The following DDX10 variants were observed in gnomAD, a reference collection of about 807,000 sequenced individuals.
The protein encoded by DDX10 is DEAD-box helicase 10, also known as probable ATP-dependent RNA helicase DDX10.
A neutral mutation model predicts 104.3 loss-of-function variants in DDX10; 74 were observed. The observed-to-expected ratio is 0.71, with a 90% CI of 0.59 to 0.86. The LOEUF (loss-of-function observed/expected upper bound fraction) is 0.86, where lower values mean the gene tolerates loss of function less well. Ranked by LOEUF, DDX10 falls within the 40% of genes least tolerant of loss-of-function variation. DDX10 has a pLI of 0.00. For synonymous variants in DDX10, 351 were observed against 353.4 expected (o/e 0.99, Z 0.08); for missense variants, 952 against 1,040.0 (o/e 0.92, Z 1.16).
intron 6 of DDX10, among the ~76,000 whole-genome samples, chr11:108,687,509 C>A (rs1386089514): frequency 6.6e-6 from 1 of 152,102 alleles, no homozygotes; most frequent in African/African-American, 2.4e-5. Flanking sequence ...TGGGGTTTCA[C>A]CATGTTGCCC....
At chr11:108,767,056 A>T (rs2094357272) in intron 13 of DDX10, among the ~76,000 whole-genome samples, 1 of 152,168 alleles carries the variant, frequency 6.6e-6, no homozygotes, top group Non-Finnish European at 1.5e-5. Flanking sequence ...TTCAGCTCTT[A>T]TATTGGAGAG....
In DDX10 at chr11:108,804,514, A is replaced by AC. The variant is rs1480699694; in HGVS notation, c.1966-33932_1966-33931insC. 9.9e-5 allele frequency among the ~76,000 whole-genome samples: 15 copies of AC among 151,620 alleles called. No individual in the cohort carries two copies. In the East Asian group the frequency reaches 2.5e-3, roughly 25 times the overall value. ...ACCCTGTCTCAAAAAAAAAAAAAAA[A>AC]AAAACCCTCCAAAAGAAGTTGCCAC... On this transcript the variant is annotated intron_variant, in intron 13 of 17. Coordinates refer to ENST00000322536, the MANE Select transcript of DDX10 (RefSeq NM_004398.4).
intron 13 of DDX10, among the ~76,000 whole-genome samples, chr11:108,815,094 T>G (rs996741488): frequency 6.6e-6 from 1 of 152,218 alleles, no homozygotes; most frequent in African/African-American, 2.4e-5. Context: ...TTTACTCTTC[T>G]GCTGAAAATT....
intron 16 of DDX10, among the ~76,000 whole-genome samples, chr11:108,863,190 T>G (rs1862962802): frequency 6.6e-6 from 1 of 152,238 alleles, no homozygotes; most frequent in Non-Finnish European, 1.5e-5. Flanking sequence ...GGTCCAGTAC[T>G]AAGAGTTTAC....
intron 11 of DDX10, 119 bp downstream of exon 11, chr11:108,716,085 A>G: frequency 1.5e-6 from 1 of 676,664 alleles, no homozygotes; most frequent in Non-Finnish European, 2.6e-6. Flanking sequence ...TAATTTGCTG[A>G]CAGATAAGTC....
chr11:108,806,182 C>T (rs772422823), intron 13 of DDX10, among the ~76,000 whole-genome samples: 1 of 152,102 alleles, frequency 6.6e-6, no homozygotes, highest in Non-Finnish European at 1.5e-5. Context: ...AGGCTGGTCT[C>T]GAACTCCTGG....
intron 6 of DDX10, among the ~76,000 whole-genome samples, chr11:108,684,070 C>A (rs2134444515): frequency 6.9e-6 from 1 of 145,432 alleles, no homozygotes; most frequent in Admixed American, 6.9e-5. Context: ...CTTGATTCTT[C>A]AGATGCATTT....
At chr11:108,910,377 C>T (rs1174192459) in intron 16 of DDX10, among the ~76,000 whole-genome samples, 1 of 152,194 alleles carries the variant, frequency 6.6e-6, no homozygotes, top group Non-Finnish European at 1.5e-5. Flanking sequence ...TTTTGACCTA[C>T]TTCATAGGCT....
chr11:108,928,054 A>G (rs981958106), intron 17 of DDX10, among the ~76,000 whole-genome samples: 5 of 152,334 alleles, frequency 3.3e-5, no homozygotes, highest in Middle Eastern at 3.4e-3. Flanking sequence ...TTTAATTCAC[A>G]CATCATTTAA....
At chr11:108,714,649 A>T (rs970162) in intron 10 of DDX10, among the ~76,000 whole-genome samples, 20,738 of 151,924 alleles carry the variant, frequency 0.14, 1,558 homozygotes, top group East Asian at 0.25. Context: ...AATCTCTTGG[A>T]TGGAATTACT....
chr11:108,735,821 C>T (rs925124951), intron 13 of DDX10, among the ~76,000 whole-genome samples: 12 of 152,002 alleles, frequency 7.9e-5, no homozygotes, highest in African/African-American at 2.7e-4. Flanking sequence ...GAAGATAATT[C>T]AGACCTTCTT....
chr11:108,879,004 C>CTT (rs1338506402), intron 16 of DDX10, among the ~76,000 whole-genome samples: 1 of 151,908 alleles, frequency 6.6e-6, no homozygotes, highest in African/African-American at 2.4e-5. Flanking sequence ...TTTTCTAAGT[C>CTT]TTTTTTTGTT....
rs552936200 is a variant in DDX10, at chr11:108,689,607, T to C, written c.975+545T>C. 7.9e-5 allele frequency among the ~76,000 whole-genome samples: 12 copies of C among 152,348 alleles called. No homozygotes were observed. The South Asian group carries it at 2.5e-3, about 32-fold the overall frequency. On this transcript the variant is annotated intron_variant, in intron 7 of 17. Transcript: ENST00000322536. ...AGTGTTTTGTTTATATCTTAGTTAA[T>C]AAACACTTCTTGAACACTAGCCCTG...
At chr11:108,704,898 A>G (rs2094273766) in intron 9 of DDX10, among the ~76,000 whole-genome samples, 1 of 152,162 alleles carries the variant, frequency 6.6e-6, no homozygotes. Flanking sequence ...TCCCATGGAA[A>G]ACTCGACTAC....
rs183633853 is a variant in DDX10, at chr11:108,892,570, C to T, written c.2305-25303C>T. Among the ~76,000 whole-genome samples the T allele has an allele frequency of 9.2e-5, 14 of 152,040 alleles. No homozygotes were observed. In the South Asian group the frequency reaches 1.0e-3, roughly 11 times the overall value. ...CCTGTAGTAATGCCCGTGCAATCAG[C>T]GTTTTTAAAGACATACCTGAAATAA... is the stretch of plus-strand genomic sequence containing the variant. On this transcript the variant is annotated intron_variant, in intron 16 of 17. Coordinates refer to ENST00000322536, the MANE Select transcript of DDX10 (RefSeq NM_004398.4).
intron 13 of DDX10, among the ~76,000 whole-genome samples, chr11:108,771,204 A>AT (rs1317830196): frequency 6.6e-6 from 1 of 151,630 alleles, no homozygotes; most frequent in Non-Finnish European, 1.5e-5. Flanking sequence ...AGATTATTAG[A>AT]TTTTTTTCCT....
chr11:108,710,750 AGT>A (rs1179666425), intron 10 of DDX10, among the ~76,000 whole-genome samples: 1 of 152,216 alleles, frequency 6.6e-6, no homozygotes, highest in Non-Finnish European at 1.5e-5. Context: ...CTGTCAGTGC[AGT>A]GTGTTTGCCT....
At chr11:108,830,285 G>GA (rs1565291667) in intron 13 of DDX10, among the ~76,000 whole-genome samples, 3 of 152,092 alleles carry the variant, frequency 2.0e-5, no homozygotes, top group Non-Finnish European at 4.4e-5. Flanking sequence ...CCTTGTTTAG[G>GA]TATATTTCTA....
intron 13 of DDX10, among the ~76,000 whole-genome samples, chr11:108,797,352 A>G (rs1421620082): frequency 6.6e-6 from 1 of 152,198 alleles, no homozygotes; most frequent in African/African-American, 2.4e-5. Context: ...TTCTTTATAC[A>G]TTAGTCTGTG....
Sources: allele counts gnomAD v4.1 joint callset (sites outside exome capture counted in the v4.1 genomes callset), GRCh38; gene constraint gnomAD v4.1.1; transcripts MANE v1.5; gene names NCBI Gene and HGNC (gene_info 2026-07-23, HGNC 2026-07-21).